FBXL4: variants seen among roughly 807,000 people sequenced by gnomAD.
FBXL4 encodes F-box and leucine rich repeat protein 4, also known as F-box/LRR-repeat protein 4.
FBXL4 carries 40 observed loss-of-function variants against 58.9 expected under a neutral mutation model. The observed-to-expected ratio is 0.68, with a 90% CI of 0.53 to 0.88. The LOEUF is 0.88. Among genes scored for constraint, FBXL4 ranks in the 40% least tolerant of loss-of-function variants. The pLI is 0.00. For synonymous variants in FBXL4, 263 were observed against 265.5 expected (o/e 0.99, Z 0.09); for missense variants, 676 against 734.4 (o/e 0.92, Z 0.92).
intron 1 of FBXL4, among the ~76,000 whole-genome samples, chr6:98,946,011 A>C (rs781644759): frequency 2.0e-5 from 3 of 152,220 alleles, no homozygotes; most frequent in Non-Finnish European, 4.4e-5. Flanking sequence ...GAGGGAGGCA[A>C]GAGGTAAAGA....
At chr6:98,947,150 T>C (rs965498076) in intron 1 of FBXL4, among the ~76,000 whole-genome samples, 1 of 152,258 alleles carries the variant, frequency 6.6e-6, no homozygotes, top group Non-Finnish European at 1.5e-5. Context: ...ATTTGTATAC[T>C]GTATTTCAAT....
At chr6:98,926,395 G>T in intron 4 of FBXL4, 82 bp downstream of exon 4, 1 of 1,371,348 alleles carries the variant, frequency 7.3e-7, no homozygotes, top group Non-Finnish European at 9.9e-7. Context: ...TTAAAAGAAT[G>T]CTTGCAATAA....
At chr6:98,880,683 A>T in intron 7 of FBXL4, 59 bp from the exon 8 acceptor site, 2 of 1,414,632 alleles carry the variant, frequency 1.4e-6, no homozygotes, top group Non-Finnish European at 2.0e-6. Flanking sequence ...TGAAACAAAG[A>T]GAAGAGGTCA....
rs550155589 is a variant in FBXL4 at position 98,913,128 on chromosome 6, T to C, written c.858+4246A>G. 5.9e-5 allele frequency among the ~76,000 whole-genome samples: 9 copies of C among 152,334 alleles called. No homozygotes were observed. The East Asian group carries it at 1.5e-3, about 26-fold the overall frequency. ...GATCAATTCAACAAGAAGAGCTAACTGTCCTAAATATATATGCATCCAATA... is the reference window on the plus strand; with the variant it reads ...GATCAATTCAACAAGAAGAGCTAACCGTCCTAAATATATATGCATCCAATA... On this transcript the variant is annotated intron_variant, in intron 5 of 9. Coordinates refer to ENST00000369244, the MANE Select transcript of FBXL4 (RefSeq NM_001278716.2).
At chr6:98,897,207 A>T in intron 7 of FBXL4, 1 of 985,346 alleles carries the variant, frequency 1.0e-6, no homozygotes, top group Non-Finnish European at 1.2e-6. Flanking sequence ...CGTTTATAGT[A>T]CTTAGGCCCA....
At position 98,898,871 on chromosome 6, in the gene FBXL4, T is replaced by C. The variant is rs144218178; in HGVS notation, c.1317+397A>G. On this transcript the variant is annotated intron_variant, in intron 7 of 9. Coordinates refer to ENST00000369244, the MANE Select transcript of FBXL4 (RefSeq NM_001278716.2). ...ACTCATTAACTATGGTATTACAAAT[T>C]TTAACCCCCAAGTCTGGTCCAGGAT... is the stretch of plus-strand genomic sequence containing the variant. 4.6e-4 allele frequency: 450 copies of C among 985,382 alleles called. 4 individuals are homozygous for C. In the African/African-American group the frequency reaches 7.0e-3, roughly 15 times the overall value. 61.0% of individuals were successfully genotyped at this position (985,382 alleles called of 1,614,324 possible). A position where few individuals can be genotyped will look rare whatever the true frequency, so the allele number is the denominator to read the frequency against.
chr6:98,894,710 T>C (rs1771353174), intron 7 of FBXL4, among the ~76,000 whole-genome samples: 1 of 152,228 alleles, frequency 6.6e-6, no homozygotes, highest in African/African-American at 2.4e-5. Context: ...CTGAGTCTAA[T>C]GAAATTCAAC....
intron 7 of FBXL4, among the ~76,000 whole-genome samples, chr6:98,885,517 C>G (rs2128381989): frequency 6.6e-6 from 1 of 152,168 alleles, no homozygotes; most frequent in Non-Finnish European, 1.5e-5. Flanking sequence ...AGCTGAAGGC[C>G]TGAATAGAAA....
chr6:98,889,484 C>A (rs150100393), intron 7 of FBXL4, among the ~76,000 whole-genome samples: 144 of 152,076 alleles, frequency 9.5e-4, no homozygotes, highest in African/African-American at 3.2e-3. Flanking sequence ...GAGTTTGAGA[C>A]CAGCCTGGGA....
chr6:98,878,614 T>G (rs9375728), intron 8 of FBXL4, among the ~76,000 whole-genome samples: 24,234 of 152,042 alleles, frequency 0.16, 2,316 homozygotes, highest in East Asian at 0.47. Flanking sequence ...AATGCTAACT[T>G]AAAATAATAC....
chr6:98,894,608 G>A (rs963892819), intron 7 of FBXL4, among the ~76,000 whole-genome samples: 3 of 152,120 alleles, frequency 2.0e-5, no homozygotes, highest in Non-Finnish European at 2.9e-5. Flanking sequence ...GTGACAATGC[G>A]AGCATATATT....
intron 1 of FBXL4, among the ~76,000 whole-genome samples, chr6:98,940,453 C>T (rs1327552842): frequency 1.3e-5 from 2 of 152,198 alleles, no homozygotes; most frequent in African/African-American, 4.8e-5. Flanking sequence ...AGTTGCTCCA[C>T]ATCCTCATCA....
intron 4 of FBXL4, among the ~76,000 whole-genome samples, chr6:98,919,406 G>C (rs961097775): frequency 2.6e-5 from 4 of 152,140 alleles, no homozygotes; most frequent in African/African-American, 9.7e-5. Flanking sequence ...AACAGCCTGT[G>C]AGTATTTGTA....
At chr6:98,933,021 A>C (rs1223907015) in intron 2 of FBXL4, among the ~76,000 whole-genome samples, 1 of 152,184 alleles carries the variant, frequency 6.6e-6, no homozygotes, top group African/African-American at 2.4e-5. Context: ...TTAAATGCTC[A>C]TTATTTCTGA....
intron 9 of FBXL4, among the ~76,000 whole-genome samples, chr6:98,874,850 C>T (rs1770597308): frequency 6.6e-6 from 1 of 152,224 alleles, no homozygotes; most frequent in Non-Finnish European, 1.5e-5. Flanking sequence ...TACTGTGACA[C>T]TGCTAGCACC....
chr6:98,931,998 T>C (rs1354816658), intron 2 of FBXL4, among the ~76,000 whole-genome samples: 1 of 152,206 alleles, frequency 6.6e-6, no homozygotes, highest in East Asian at 1.9e-4. Context: ...AATAACTCTA[T>C]TTTATAAGGA....
intron 5 of FBXL4, among the ~76,000 whole-genome samples, chr6:98,915,502 C>T (rs1437164927): frequency 2.6e-5 from 4 of 151,216 alleles, no homozygotes; most frequent in Non-Finnish European, 4.4e-5. Flanking sequence ...ACAGAGCCCT[C>T]AGAAATAACG....
intron 6 of FBXL4, 144 bp downstream of exon 6, chr6:98,905,281 TA>T: frequency 9.8e-7 from 1 of 1,018,326 alleles, no homozygotes; most frequent in Non-Finnish European, 1.5e-6. Flanking sequence ...AGCAGCATTC[TA>T]AACATGACAC....
chr6:98,935,314 T>G (rs547151538), intron 1 of FBXL4, among the ~76,000 whole-genome samples: 1 of 151,958 alleles, frequency 6.6e-6, no homozygotes, highest in South Asian at 2.1e-4. Flanking sequence ...TTTGTTTTTT[T>G]TTTTTCTGAT....
Sources: allele counts gnomAD v4.1 joint callset (sites outside exome capture counted in the v4.1 genomes callset), GRCh38; gene constraint gnomAD v4.1.1; transcripts MANE v1.5; gene names NCBI Gene and HGNC (gene_info 2026-07-23, HGNC 2026-07-21).